Variants in CATSPERT observed in about 807,000 individuals in gnomAD.
CATSPERT encodes cation channel sperm-associated targeting subunit tau.
the CATSPERT span, chr2:201,604,814 G>C: frequency 1.9e-6 from 1 of 533,070 alleles, no homozygotes; most frequent in South Asian, 3.9e-5. Context: ...TCGGTATTGG[G>C]GTATTAATAT....
chr2:201,588,999 T>C, the CATSPERT span, among the ~76,000 whole-genome samples: 212 of 152,146 alleles, frequency 1.4e-3, no homozygotes, highest in African/African-American at 4.9e-3. Flanking sequence ...TGAACTCCCA[T>C]TCACAACTGC....
the CATSPERT span, chr2:201,554,157 T>C: frequency 4.6e-5 from 7 of 152,196 alleles, no homozygotes; most frequent in African/African-American, 1.7e-4. Flanking sequence ...GGACTACTAG[T>C]ATAATGGGAT....
chr2:201,524,420 T>G, the CATSPERT span, among the ~76,000 whole-genome samples: 1 of 152,108 alleles, frequency 6.6e-6, no homozygotes, highest in East Asian at 1.9e-4. Flanking sequence ...GACAAGTGAA[T>G]GCTAAGGGAA....
chr2:201,556,207 C>CA, the CATSPERT span, among the ~76,000 whole-genome samples: 3 of 151,958 alleles, frequency 2.0e-5, no homozygotes, highest in Admixed American at 2.0e-4. Context: ...TTTTAGGGAC[C>CA]AAAAAAATGA....
the CATSPERT span, among the ~76,000 whole-genome samples, chr2:201,610,067 A>C: frequency 9.2e-5 from 14 of 152,224 alleles, no homozygotes; most frequent in Admixed American, 9.2e-4. Flanking sequence ...GAAATGGATA[A>C]ATTCCTAGAC....
chr2:201,491,897 G>A, the CATSPERT span: 2 of 1,536,804 alleles, frequency 1.3e-6, no homozygotes, highest in Non-Finnish European at 1.7e-6. Flanking sequence ...GTGAATACAT[G>A]TTCTTTCCTT....
chr2:201,595,313 C>T, the CATSPERT span, among the ~76,000 whole-genome samples: 7 of 151,584 alleles, frequency 4.6e-5, no homozygotes, highest in South Asian at 6.2e-4. Flanking sequence ...CTCAGCCTCC[C>T]GAGTAGCTGG....
At chr2:201,612,471 G>T in the CATSPERT span, among the ~76,000 whole-genome samples, 1 of 151,850 alleles carries the variant, frequency 6.6e-6, no homozygotes, top group Admixed American at 6.6e-5. Context: ...CTACTCAGGA[G>T]GTTGAGGCAG....
At chr2:201,517,871 GA>G in the CATSPERT span, among the ~76,000 whole-genome samples, 1 of 152,204 alleles carries the variant, frequency 6.6e-6, no homozygotes, top group Non-Finnish European at 1.5e-5. Context: ...TCACTTTTGA[GA>G]AGAGCTCAGT....
the CATSPERT span, among the ~76,000 whole-genome samples, chr2:201,568,864 T>C: frequency 1.1e-4 from 16 of 152,210 alleles, no homozygotes; most frequent in Non-Finnish European, 2.2e-4. Flanking sequence ...AGAATATCTA[T>C]TCCAATTATG....
the CATSPERT span, chr2:201,604,679 T>C: frequency 6.2e-7 from 1 of 1,602,032 alleles, no homozygotes; most frequent in Non-Finnish European, 8.5e-7. Context: ...TCAGACTCTT[T>C]AAGAGTTTTT....
the CATSPERT span, chr2:201,545,629 CAAAAAAA>C: frequency 0.012 from 1,837 of 155,588 alleles, 3 homozygotes; most frequent in African/African-American, 0.029. Flanking sequence ...TTCCTAGAAG[CAAAAAAA>C]AAAAAAAAAA....
At chr2:201,552,482 T>C in the CATSPERT span, among the ~76,000 whole-genome samples, 1 of 152,152 alleles carries the variant, frequency 6.6e-6, no homozygotes, top group African/African-American at 2.4e-5. Context: ...AGGACTATTG[T>C]TAAAGAAAAG....
the CATSPERT span, among the ~76,000 whole-genome samples, chr2:201,540,633 G>T: frequency 6.6e-6 from 1 of 152,190 alleles, no homozygotes; most frequent in Non-Finnish European, 1.5e-5. Flanking sequence ...CAGAAAAAAA[G>T]ATACCTTTCA....
At chr2:201,570,081 C>G in the CATSPERT span, among the ~76,000 whole-genome samples, 1 of 152,042 alleles carries the variant, frequency 6.6e-6, no homozygotes, top group Non-Finnish European at 1.5e-5. Context: ...ACTTGGGAGG[C>G]TGAGGAGGGA....
the CATSPERT span, among the ~76,000 whole-genome samples, chr2:201,551,995 T>C: frequency 3.3e-5 from 5 of 152,074 alleles, no homozygotes; most frequent in East Asian, 3.9e-4. Context: ...TTCTTTCTTT[T>C]TTTTTTCTTT....
the CATSPERT span, among the ~76,000 whole-genome samples, chr2:201,529,297 C>G: frequency 6.6e-6 from 1 of 152,096 alleles, no homozygotes; most frequent in Non-Finnish European, 1.5e-5. Context: ...CCAAAGCAAT[C>G]TCGAGCAAAA....
chr2:201,490,385 A>C, the CATSPERT span, among the ~76,000 whole-genome samples: 2 of 152,172 alleles, frequency 1.3e-5, no homozygotes, highest in Non-Finnish European at 2.9e-5. Context: ...GTGAAAAAAA[A>C]CCTCTAATAG....
chr2:201,558,068 G>A, the CATSPERT span: 3 of 152,176 alleles, frequency 2.0e-5, no homozygotes, highest in Non-Finnish European at 2.9e-5. Context: ...ATCATAACCT[G>A]AGCGCTTTTA....
Sources: gnomAD v4.1 joint callset for allele counts (sites outside exome capture counted in the v4.1 genomes callset) on GRCh38, gnomAD v4.1.1 for gene constraint, MANE v1.5 for transcripts, NCBI Gene and HGNC (gene_info 2026-07-23, HGNC 2026-07-21) for gene names.